EYS: variants seen among roughly 807,000 people sequenced by gnomAD.
EYS encodes the protein protein eyes shut homolog.
In EYS, 250 loss-of-function variants were observed where a neutral mutation model predicts 282.1. The ratio of observed to expected loss-of-function variants is 0.89; its 90% CI spans 0.80 to 0.98. EYS has a LOEUF of 0.98. EYS is among the 50% of genes least tolerant of loss of function. The probability of loss-of-function intolerance (pLI) is 0.00; values close to 1 mark genes in which losing one functional copy is unlikely to be tolerated. For missense variants in EYS, 4,016 were observed against 3,709.0 expected, an observed-to-expected ratio of 1.08 and a Z score of -2.15; for synonymous variants, 1,355 against 1,282.9, an observed-to-expected ratio of 1.06 and a Z score of -1.20.
chr6:64,741,711 G>A (rs1027954580), intron 22 of EYS, among the ~76,000 whole-genome samples: 2 of 152,148 alleles, frequency 1.3e-5, no homozygotes, highest in Admixed American at 6.5e-5. Flanking sequence ...TATGGAAATG[G>A]CTTTTTTAAA....
At chr6:64,015,116 A>G (rs1768830650) in intron 33 of EYS, among the ~76,000 whole-genome samples, 2 of 152,194 alleles carry the variant, frequency 1.3e-5, no homozygotes, top group South Asian at 4.1e-4. Flanking sequence ...AGAAAAATTT[A>G]ATTGAATAAG....
intron 24 of EYS, among the ~76,000 whole-genome samples, chr6:64,615,064 G>A (rs1767230871): frequency 6.6e-6 from 1 of 152,046 alleles, no homozygotes; most frequent in Admixed American, 6.6e-5. Flanking sequence ...ATCTATTCTA[G>A]TGCTAGAATG....
intron 22 of EYS, among the ~76,000 whole-genome samples, chr6:64,773,744 T>C (rs997480549): frequency 3.9e-5 from 6 of 152,102 alleles, no homozygotes; most frequent in Admixed American, 3.9e-4. Flanking sequence ...GAGTATTTTT[T>C]CATATGTATG....
intron 30 of EYS, among the ~76,000 whole-genome samples, chr6:64,289,129 C>G (rs1348793213): frequency 6.6e-6 from 1 of 152,050 alleles, no homozygotes; most frequent in East Asian, 1.9e-4. Context: ...CTTATGTTTT[C>G]AGGCTTATCA....
In EYS at chr6:64,639,588, G is replaced by A. The variant is rs185306088; in HGVS notation, c.3444-13343C>T. On this transcript the variant is annotated intron_variant, in intron 22 of 42. Coordinates refer to ENST00000503581, the MANE Select transcript of EYS (RefSeq NM_001142800.2). ...TAATTCAAGGATTAAAGACTTAAACGTTAGACCTAAAACCATAAAAACCCT... is the reference window on the plus strand; with the variant it reads ...TAATTCAAGGATTAAAGACTTAAACATTAGACCTAAAACCATAAAAACCCT... Among the ~76,000 whole-genome samples, 5 of 90,888 alleles carry A rather than the reference G, an allele frequency of 5.5e-5. 2 individuals are homozygous for A. The highest frequency in any genetic ancestry group is 4.9e-4 in the East Asian group (2 of 4,084). The allele number at this position is 90,888 out of a possible 152,430, so 59.6% of individuals were successfully genotyped here. A position where few individuals can be genotyped will look rare whatever the true frequency, so the allele number is the denominator to read the frequency against.
At chr6:64,055,781 CAG>C (rs1271434143) in intron 33 of EYS, among the ~76,000 whole-genome samples, 3 of 152,126 alleles carry the variant, frequency 2.0e-5, no homozygotes, top group Admixed American at 6.6e-5. Context: ...CAGTAGAACA[CAG>C]AGAACAGTCG....
At chr6:64,206,832 T>A (rs1765623531) in intron 31 of EYS, among the ~76,000 whole-genome samples, 1 of 152,176 alleles carries the variant, frequency 6.6e-6, no homozygotes, top group South Asian at 2.1e-4. Flanking sequence ...ACATGTTAAT[T>A]TTTTTTAAGT....
At chr6:64,627,009 T>G (rs1767630989) in intron 22 of EYS, among the ~76,000 whole-genome samples, 1 of 152,208 alleles carries the variant, frequency 6.6e-6, no homozygotes. Context: ...GTACTTCCTC[T>G]TAATTTTTAG....
chr6:65,060,321 A>G (rs79627758), intron 12 of EYS, among the ~76,000 whole-genome samples: 2,134 of 151,914 alleles, frequency 0.014, 52 homozygotes, highest in African/African-American at 0.048. Flanking sequence ...AACACATTCT[A>G]TAACACAATA....
chr6:64,863,472 C>T (rs749725644), intron 19 of EYS, among the ~76,000 whole-genome samples: 6 of 152,072 alleles, frequency 3.9e-5, no homozygotes, highest in Admixed American at 2.0e-4. Flanking sequence ...TCTTCACATA[C>T]TTTTTAAAAA....
chr6:64,774,896 C>T (rs539604964), intron 22 of EYS, among the ~76,000 whole-genome samples: 1 of 152,034 alleles, frequency 6.6e-6, no homozygotes, highest in East Asian at 1.9e-4. Flanking sequence ...TCTTCTGGCA[C>T]TAAATTAGAG....
At chr6:64,684,515 G>A (rs62418025) in intron 22 of EYS, among the ~76,000 whole-genome samples, 1 of 151,756 alleles carries the variant, frequency 6.6e-6, no homozygotes, top group African/African-American at 2.4e-5. Flanking sequence ...TGTAGGTAAA[G>A]TCTTATATTT....
At chr6:65,158,906 G>A (rs182755127) in intron 12 of EYS, among the ~76,000 whole-genome samples, 1 of 150,950 alleles carries the variant, frequency 6.6e-6, no homozygotes, top group Admixed American at 6.6e-5. Context: ...TTCCAAAAAT[G>A]CAAGTTCTAT....
At chr6:65,408,972 C>T (rs945785679) in intron 5 of EYS, among the ~76,000 whole-genome samples, 1 of 152,002 alleles carries the variant, frequency 6.6e-6, no homozygotes, top group Non-Finnish European at 1.5e-5. Context: ...CAGGTTATTT[C>T]AGAAATATGT....
intron 22 of EYS, among the ~76,000 whole-genome samples, chr6:64,677,921 A>G (rs1174937880): frequency 6.6e-6 from 1 of 152,018 alleles, no homozygotes; most frequent in African/African-American, 2.4e-5. Context: ...AAAATTTAAA[A>G]GTAAAAAAAA....
chr6:65,231,890 A>G (rs1766792557), intron 12 of EYS, among the ~76,000 whole-genome samples: 1 of 151,952 alleles, frequency 6.6e-6, no homozygotes, highest in Non-Finnish European at 1.5e-5. Context: ...TGTGGTTGAA[A>G]AAGATATAAA....
intron 1 of EYS, among the ~76,000 whole-genome samples, chr6:65,676,768 C>T (rs1768616457): frequency 6.6e-6 from 1 of 151,558 alleles, no homozygotes; most frequent in African/African-American, 2.4e-5. Context: ...AATTGCATAC[C>T]AATATTCCAG....
intron 37 of EYS, among the ~76,000 whole-genome samples, chr6:63,794,629 T>C (rs1770597930): frequency 6.6e-6 from 1 of 152,236 alleles, no homozygotes; most frequent in Non-Finnish European, 1.5e-5. Context: ...TATAGAATTA[T>C]TTCATTCTCA....
At chr6:63,887,995 C>T (rs1185550225) in intron 35 of EYS, among the ~76,000 whole-genome samples, 1 of 152,126 alleles carries the variant, frequency 6.6e-6, no homozygotes, top group East Asian at 1.9e-4. Context: ...CTTGAGTTTT[C>T]CCCTCACAGT....
Sources: gnomAD v4.1 joint callset for allele counts (sites outside exome capture counted in the v4.1 genomes callset) on GRCh38, gnomAD v4.1.1 for gene constraint, MANE v1.5 for transcripts, NCBI Gene and HGNC (gene_info 2026-07-23, HGNC 2026-07-21) for gene names.